The following CNTN5 variants were observed in gnomAD, a reference collection of about 807,000 sequenced individuals.
CNTN5 encodes the protein contactin-5.
Under a neutral mutation model 129.1 loss-of-function variants are expected in CNTN5, and 77 were observed. The ratio of observed to expected loss-of-function variants is 0.60; its 90% CI spans 0.50 to 0.72. The LOEUF (loss-of-function observed/expected upper bound fraction) is 0.72. Ranked by LOEUF, CNTN5 falls within the 30% of genes least tolerant of loss-of-function variation. The pLI is 0.00. For synonymous variants in CNTN5, 509 were observed against 465.6 expected (o/e 1.09, Z -1.20); for missense variants, 1,478 against 1,328.8 (o/e 1.11, Z -1.75).
At chr11:99,468,544 G>A (rs1391550572) in intron 2 of CNTN5, among the ~76,000 whole-genome samples, 1 of 152,248 alleles carries the variant, frequency 6.6e-6, no homozygotes, top group South Asian at 2.1e-4. Context: ...GGATGGTTAG[G>A]CAATGTAGCC....
At chr11:100,133,756 C>T (rs114671293) in intron 13 of CNTN5, among the ~76,000 whole-genome samples, 2,823 of 152,144 alleles carry the variant, frequency 0.019, 77 homozygotes, top group African/African-American at 0.065. Flanking sequence ...GACTATTTGG[C>T]CTTTTGTTAC....
intron 9 of CNTN5, among the ~76,000 whole-genome samples, chr11:100,005,935 T>C (rs1940162837): frequency 6.6e-6 from 1 of 152,148 alleles, no homozygotes; most frequent in Non-Finnish European, 1.5e-5. Context: ...TATCATGTTA[T>C]TCATTGAACC....
At chr11:99,761,096 G>A (rs1402543786) in intron 3 of CNTN5, among the ~76,000 whole-genome samples, 1 of 152,076 alleles carries the variant, frequency 6.6e-6, no homozygotes, top group African/African-American at 2.4e-5. Context: ...GTTCCTGTAT[G>A]ACAAGGATGA....
intron 3 of CNTN5, among the ~76,000 whole-genome samples, chr11:99,704,459 C>G (rs1954666063): frequency 6.6e-6 from 1 of 150,898 alleles, no homozygotes; most frequent in Non-Finnish European, 1.5e-5. Context: ...GTTACAAAAA[C>G]CAAACAAATT....
At chr11:100,284,124 A>C (rs1950709984) in intron 18 of CNTN5, among the ~76,000 whole-genome samples, 1 of 152,108 alleles carries the variant, frequency 6.6e-6, no homozygotes, top group Non-Finnish European at 1.5e-5. Flanking sequence ...TTGTGGGGCC[A>C]CTGCTGGGGA....
intron 2 of CNTN5, among the ~76,000 whole-genome samples, chr11:99,488,702 C>T (rs1448906816): frequency 6.6e-6 from 1 of 152,150 alleles, no homozygotes; most frequent in Non-Finnish European, 1.5e-5. Flanking sequence ...TTCCTGTATA[C>T]ACTGCAAGAG....
intron 2 of CNTN5, among the ~76,000 whole-genome samples, chr11:99,330,418 G>A (rs1865953979): frequency 6.6e-6 from 1 of 152,118 alleles, no homozygotes; most frequent in African/African-American, 2.4e-5. Context: ...TGTCATAAAT[G>A]ATTAGAAAAT....
chr11:99,947,672 T>C (rs1268110462), intron 7 of CNTN5, among the ~76,000 whole-genome samples: 1 of 152,156 alleles, frequency 6.6e-6, no homozygotes, highest in Admixed American at 6.6e-5. Context: ...CAACTCAAGT[T>C]CCACATTTAA....
rs1216182 is a variant in CNTN5 at position 100,356,231 on chromosome 11, C to T, written c.*11C>T. The T allele has an allele frequency of 0.13, 205,190 of 1,568,530 alleles. 17,349 individuals are homozygous for T. The highest frequency in any genetic ancestry group is 0.36 in the East Asian group (15,748 of 44,178). On this transcript the variant is annotated 3_prime_UTR_variant, in exon 25 of 25. Transcript: ENST00000524871. ...TCAACTTCCTGGTGAAAACTGCTGACTTAATTTGCTTTTGTTTGCTTTAGC... is the reference window on the plus strand; with the variant it reads ...TCAACTTCCTGGTGAAAACTGCTGATTTAATTTGCTTTTGTTTGCTTTAGC...
intron 13 of CNTN5, among the ~76,000 whole-genome samples, chr11:100,126,310 A>G (rs1591286802): frequency 6.6e-6 from 1 of 152,092 alleles, no homozygotes; most frequent in East Asian, 1.9e-4. Context: ...ACTAGGTCCA[A>G]TTTGTCAAAT....
chr11:99,658,533 A>G (rs1002750485), intron 3 of CNTN5, among the ~76,000 whole-genome samples: 1 of 151,988 alleles, frequency 6.6e-6, no homozygotes, highest in Non-Finnish European at 1.5e-5. Flanking sequence ...ACATTTAACA[A>G]TTAGGAATTT....
intron 3 of CNTN5, among the ~76,000 whole-genome samples, chr11:99,772,149 C>T (rs1025757771): frequency 2.0e-5 from 3 of 151,004 alleles, no homozygotes; most frequent in Non-Finnish European, 3.0e-5. Context: ...TTTTCTACTA[C>T]ATCAATTACT....
At position 99,774,332 on chromosome 11, in the gene CNTN5, G is replaced by GT. The variant is rs1204213129; in HGVS notation, c.56-45202dup. On this transcript the variant is annotated intron_variant, in intron 3 of 24. Transcript: ENST00000524871. ...AATGATTAGCTTTAGAAAACTTCAGGTTTTTTTTTTGGGGGGGTGGGTGTT... is the reference window on the plus strand; with the variant it reads ...AATGATTAGCTTTAGAAAACTTCAGGTTTTTTTTTTTGGGGGGGTGGGTGTT... 6.2e-3 allele frequency among the ~76,000 whole-genome samples: 906 copies of GT among 146,462 alleles called. 9 individuals carry two copies. The highest frequency in any genetic ancestry group is 0.02 in the African/African-American group (816 of 40,092).
chr11:99,030,183 T>G (rs1279273751), intron 1 of CNTN5, among the ~76,000 whole-genome samples: 1 of 152,128 alleles, frequency 6.6e-6, no homozygotes, highest in African/African-American at 2.4e-5. Context: ...TATTGACTAC[T>G]AACTCATAGT....
At chr11:100,011,549 A>T (rs574190094) in intron 9 of CNTN5, among the ~76,000 whole-genome samples, 3 of 152,100 alleles carry the variant, frequency 2.0e-5, no homozygotes, top group African/African-American at 7.2e-5. Context: ...TTACTGTAAT[A>T]ATTATGTGAA....
rs181963866 is a variant in CNTN5 at position 99,589,203 on chromosome 11, T to A, written c.55+32934T>A. 4.4e-3 allele frequency among the ~76,000 whole-genome samples: 667 copies of A among 152,330 alleles called. 27 individuals carry two copies. In the East Asian group the frequency reaches 0.097, roughly 22 times the overall value. On this transcript the variant is annotated intron_variant, in intron 3 of 24. Coordinates refer to ENST00000524871, the MANE Select transcript of CNTN5 (RefSeq NM_014361.4). ...TTCTTTAGTAGTGGTAAATGCTTTA[T>A]AAATGCTGTCTGCCTGAATAACAAG...
intron 21 of CNTN5, among the ~76,000 whole-genome samples, chr11:100,336,544 T>C (rs1952042400): frequency 6.6e-6 from 1 of 152,196 alleles, no homozygotes; most frequent in African/African-American, 2.4e-5. Flanking sequence ...TGATAAGCTG[T>C]CTGTGCTCTA....
At chr11:99,974,438 A>T (rs555564824) in intron 8 of CNTN5, among the ~76,000 whole-genome samples, 1 of 152,312 alleles carries the variant, frequency 6.6e-6, no homozygotes, top group Admixed American at 6.5e-5. Flanking sequence ...ACATTGGGAT[A>T]TTGGATTAAT....
intron 2 of CNTN5, among the ~76,000 whole-genome samples, chr11:99,347,453 A>G (rs1450862600): frequency 6.6e-6 from 1 of 152,220 alleles, no homozygotes; most frequent in Admixed American, 6.5e-5. Context: ...AACTATATAG[A>G]GAAAAACATA....
Sources: gnomAD v4.1 joint callset for allele counts (sites outside exome capture counted in the v4.1 genomes callset) on GRCh38, gnomAD v4.1.1 for gene constraint, MANE v1.5 for transcripts, NCBI Gene and HGNC (gene_info 2026-07-23, HGNC 2026-07-21) for gene names.